Variants in HPGD observed in about 807,000 individuals in gnomAD.
HPGD encodes 15-hydroxyprostaglandin dehydrogenase.
Under a neutral mutation model 30.0 loss-of-function variants are expected in HPGD, and 29 were observed. That is an observed-to-expected ratio of 0.97 (90% CI 0.72 to 1.32). The LOEUF is 1.32. HPGD is among the 40% of genes most tolerant of loss of function. The pLI is 0.00. For synonymous variants in HPGD, 99 were observed against 112.4 expected (o/e 0.88, Z 0.75); for missense variants, 340 against 322.1 (o/e 1.06, Z -0.43).
At chr4:174,507,949 G>A (rs150912343) in intron 4 of HPGD, 6 of 546,268 alleles carry the variant, frequency 1.1e-5, no homozygotes, top group Admixed American at 5.8e-5. Context: ...AGACAGACTC[G>A]CTTACAGTTA....
intron 3 of HPGD, among the ~76,000 whole-genome samples, chr4:174,512,866 C>A (rs1391077908): frequency 1.3e-5 from 2 of 152,150 alleles, no homozygotes; most frequent in Non-Finnish European, 2.9e-5. Context: ...TAAAGGATCA[C>A]AATAAAATTC....
At chr4:174,495,831 A>G (rs1734570759) in intron 4 of HPGD, 2 of 581,672 alleles carry the variant, frequency 3.4e-6, no homozygotes, top group South Asian at 3.9e-5. Context: ...TCCAGAATTT[A>G]TAGTAGCTAA....
intron 5 of HPGD, among the ~76,000 whole-genome samples, chr4:174,493,658 G>A (rs1482760098): frequency 6.6e-6 from 1 of 152,072 alleles, no homozygotes; most frequent in Non-Finnish European, 1.5e-5. Context: ...TTCAAATATG[G>A]TGGTTGTATA....
chr4:174,522,173 T>C (rs570224148), intron 1 of HPGD, 106 bp from the exon 2 acceptor site: 1 of 1,547,482 alleles, frequency 6.5e-7, no homozygotes, highest in African/African-American at 1.4e-5. Context: ...ATTTGGCAAT[T>C]AGGTTTGGGT....
At chr4:174,519,797 C>T (rs1399755026) in intron 2 of HPGD, among the ~76,000 whole-genome samples, 4 of 152,128 alleles carry the variant, frequency 2.6e-5, no homozygotes, top group African/African-American at 7.2e-5. Flanking sequence ...TTTTCCGACT[C>T]AGCCAGCCTG....
chr4:174,512,739 C>T (rs978683676), intron 3 of HPGD, among the ~76,000 whole-genome samples: 1 of 152,140 alleles, frequency 6.6e-6, no homozygotes. Flanking sequence ...TTTATGTAAA[C>T]ATATATCATC....
In HPGD at chr4:174,508,765, C is replaced by G; in HGVS notation, c.352G>C (p.Gly118Arg). Reference sequence around the variant, plus strand: ...TTTTGCTTACTCATGTAATCCAAACCAAGATAGGTTCCACTGATAACAGAA... The same window carrying G: ...TTTTGCTTACTCATGTAATCCAAACGAAGATAGGTTCCACTGATAACAGAA... ...LVSVISGTYL[G>R]LDYMSKQNGG... The change falls in exon 4 of 7, where the codon GGT (glycine) becomes CGT (arginine). Residue 118 changes from glycine to arginine, a missense_variant. Gly to Arg is a moderately radical substitution (Grantham distance 125). Coordinates refer to ENST00000296522, the MANE Select transcript of HPGD (RefSeq NM_000860.6). 6.2e-7 allele frequency: 1 copy of G among 1,604,836 alleles called. No homozygotes were observed. Among genetic ancestry groups the G allele is most frequent in the Non-Finnish European group, 8.5e-7 (1 of 1,171,912 alleles).
chr4:174,519,546 C>T (rs1735973540), intron 2 of HPGD, among the ~76,000 whole-genome samples: 1 of 152,068 alleles, frequency 6.6e-6, no homozygotes, highest in Non-Finnish European at 1.5e-5. Flanking sequence ...ACTTAAATGG[C>T]CTGTTCCTGC....
chr4:174,522,716 C>A (rs980326777), upstream of HPGD: 31 of 417,158 alleles, frequency 7.4e-5, no homozygotes, highest in Non-Finnish European at 8.4e-5. Flanking sequence ...CCTCTGGCTC[C>A]GTGATTGGCA....
intron 2 of HPGD, among the ~76,000 whole-genome samples, chr4:174,520,611 T>C (rs1736054472): frequency 6.6e-6 from 1 of 152,206 alleles, no homozygotes; most frequent in African/African-American, 2.4e-5. Context: ...AGGAATGAGT[T>C]TATAGCCAAG....
rs1462918446 is a variant in HPGD, at chr4:174,497,576, T to C, written c.422-1952A>G. On this transcript the variant is annotated intron_variant, in intron 4 of 6. Coordinates refer to ENST00000296522, the MANE Select transcript of HPGD (RefSeq NM_000860.6). ...TTTCTTTCTTTTTCTTTCTTTTTTT[T>C]TTTTTTTTTTTTTTTTTTTTGAGAC... Among the ~76,000 whole-genome samples the C allele has an allele frequency of 8.6e-3, 896 of 104,402 alleles. 18 individuals carry two copies. Among genetic ancestry groups the C allele is most frequent in the African/African-American group, 0.026 (643 of 25,204 alleles). 68.5% of individuals were successfully genotyped at this position (104,402 alleles called of 152,430 possible).
At chr4:174,506,516 A>G (rs1316860228) in intron 4 of HPGD, among the ~76,000 whole-genome samples, 1 of 152,164 alleles carries the variant, frequency 6.6e-6, no homozygotes, top group African/African-American at 2.4e-5. Flanking sequence ...TTGCATGTGA[A>G]TTCCAGCTCT....
In HPGD at chr4:174,496,468, A is replaced by G. The variant is rs763473396; in HGVS notation, c.422-844T>C. 1.3e-5 allele frequency among the ~76,000 whole-genome samples: 2 copies of G among 152,162 alleles called. No homozygotes were observed. The highest frequency in any genetic ancestry group is 2.4e-5 in the African/African-American group (1 of 41,462). On this transcript the variant is annotated intron_variant, in intron 4 of 6. Transcript: ENST00000296522. The surrounding 1 kb of genome is among the most constrained non-coding windows in gnomAD (Gnocchi z 4.6). The stretch of plus-strand genomic sequence containing the variant: ...CACAAAACAACAACAATAAAAACCT[A>G]TTTTACTCTAGTAACTATTATTATC...
intron 4 of HPGD, chr4:174,507,948 C>T (rs1488884870): frequency 1.1e-5 from 6 of 548,152 alleles, no homozygotes; most frequent in East Asian, 2.8e-5. Context: ...CAGACAGACT[C>T]GCTTACAGTT....
At chr4:174,503,380 A>T (rs1468712586) in intron 4 of HPGD, among the ~76,000 whole-genome samples, 1 of 152,214 alleles carries the variant, frequency 6.6e-6, no homozygotes, top group Non-Finnish European at 1.5e-5. Flanking sequence ...CACATTCTTC[A>T]AGATCTGTTT....
intron 2 of HPGD, among the ~76,000 whole-genome samples, chr4:174,520,243 A>C (rs1475626728): frequency 6.6e-6 from 1 of 152,108 alleles, no homozygotes; most frequent in African/African-American, 2.4e-5. Context: ...ATCCCATTGA[A>C]TTCCAGGCTC....
intron 2 of HPGD, among the ~76,000 whole-genome samples, chr4:174,519,889 G>T (rs1275603735): frequency 3.9e-5 from 6 of 152,094 alleles, no homozygotes; most frequent in African/African-American, 9.7e-5. Flanking sequence ...TGAAAGTCTC[G>T]ATCTCCTGAC....
intron 3 of HPGD, among the ~76,000 whole-genome samples, chr4:174,516,741 C>T (rs12644138): frequency 0.17 from 25,121 of 152,074 alleles, 2,470 homozygotes; most frequent in East Asian, 0.29. Flanking sequence ...CAATTTTGTA[C>T]TCTTCTCAAG....
chr4:174,517,914 TACAAA>T, intron 3 of HPGD, 52 bp downstream of exon 3: 1 of 938,236 alleles, frequency 1.1e-6, no homozygotes, highest in Admixed American at 2.0e-5. Context: ...TTTTTTTCTT[TACAAA>T]CATCATGTTA....
Sources: allele counts gnomAD v4.1 joint callset (sites outside exome capture counted in the v4.1 genomes callset), GRCh38; gene constraint gnomAD v4.1.1; non-coding constraint Gnocchi (gnomAD v3.1); transcripts MANE v1.5; gene names NCBI Gene and HGNC (gene_info 2026-07-23, HGNC 2026-07-21).